The following OTUD7A variants were observed in gnomAD, a reference collection of about 807,000 sequenced individuals.
OTUD7A encodes OTU deubiquitinase 7A.
OTUD7A carries 12 observed loss-of-function variants against 65.7 expected under a neutral mutation model. That is an observed-to-expected ratio of 0.18 (90% CI 0.12 to 0.30). The LOEUF is 0.30. Ranked by LOEUF, OTUD7A falls within the 10% of genes least tolerant of loss-of-function variation. The pLI is 1.00. For synonymous variants in OTUD7A, 641 were observed against 586.3 expected (o/e 1.09, Z -1.35); for missense variants, 1,148 against 1,304.8 (o/e 0.88, Z 1.85).
chr15:31,567,492 T>C (rs1888912114), intron 4 of OTUD7A, among the ~76,000 whole-genome samples: 1 of 149,812 alleles, frequency 6.7e-6, no homozygotes, highest in Admixed American at 6.6e-5. Context: ...TGTAAAAGTT[T>C]GAAAAATTTG....
rs191454591 is a variant in OTUD7A, at chr15:31,612,764, C to T, written c.151+42332G>A. ...AACACAATTCCCATCAAAATACCAT[C>T]GTCATTCTTCACAGAATTAGAAAAA... On this transcript the variant is annotated intron_variant, in intron 3 of 12. Coordinates refer to ENST00000307050, the MANE Select transcript of OTUD7A (RefSeq NM_001382637.1). 3.5e-3 allele frequency among the ~76,000 whole-genome samples: 539 copies of T among 152,212 alleles called. 3 individuals carry two copies. Among genetic ancestry groups the T allele is most frequent in the Non-Finnish European group, 5.7e-3 (390 of 67,982 alleles).
At chr15:31,742,906 A>G (rs1894380604) in intron 1 of OTUD7A, among the ~76,000 whole-genome samples, 1 of 152,144 alleles carries the variant, frequency 6.6e-6, no homozygotes, top group Non-Finnish European at 1.5e-5. Flanking sequence ...ATATTAATTC[A>G]CCAGGAAGAC....
chr15:31,508,543 G>C (rs1176587888), intron 8 of OTUD7A, among the ~76,000 whole-genome samples: 1 of 152,132 alleles, frequency 6.6e-6, no homozygotes, highest in African/African-American at 2.4e-5. Flanking sequence ...TAGTAGAGAC[G>C]GGGTTTCACT....
chr15:31,628,413 C>T (rs1891033213), intron 3 of OTUD7A, among the ~76,000 whole-genome samples: 2 of 152,074 alleles, frequency 1.3e-5, no homozygotes, highest in Admixed American at 6.6e-5. Context: ...AGATATGTGG[C>T]ATTATTTCTG....
chr15:31,812,141 A>G (rs1156478990), intron 1 of OTUD7A, among the ~76,000 whole-genome samples: 1 of 152,194 alleles, frequency 6.6e-6, no homozygotes, highest in Non-Finnish European at 1.5e-5. Context: ...GGCTTCTGAC[A>G]GTATCAGAGC....
At chr15:31,755,962 T>A (rs952721643) in intron 1 of OTUD7A, among the ~76,000 whole-genome samples, 13 of 152,166 alleles carry the variant, frequency 8.5e-5, no homozygotes, top group South Asian at 4.1e-4. Context: ...GTTATGGGCT[T>A]AAGCCTTCTG....
intron 3 of OTUD7A, among the ~76,000 whole-genome samples, chr15:31,599,826 C>T (rs756367066): frequency 5.3e-5 from 8 of 152,164 alleles, no homozygotes; most frequent in South Asian, 4.2e-4. Flanking sequence ...AAACACAGCA[C>T]AAGAACTTCG....
intron 1 of OTUD7A, among the ~76,000 whole-genome samples, chr15:31,866,962 T>C (rs1237249710): frequency 1.3e-5 from 2 of 152,220 alleles, no homozygotes; most frequent in Non-Finnish European, 2.9e-5. Flanking sequence ...GTGAAACTTC[T>C]TTCCTTTTAA....
chr15:31,572,666 T>C (rs1367172738), intron 3 of OTUD7A, among the ~76,000 whole-genome samples: 1 of 152,152 alleles, frequency 6.6e-6, no homozygotes, highest in Admixed American at 6.5e-5. Context: ...GAAGAAAAAC[T>C]ATAAATCAGA....
chr15:31,601,240 T>G (rs536241552), intron 3 of OTUD7A, among the ~76,000 whole-genome samples: 161 of 151,924 alleles, frequency 1.1e-3, no homozygotes, highest in Non-Finnish European at 2.4e-4. Flanking sequence ...TGCAAAACAA[T>G]GGAAATCATA....
At chr15:31,783,109 A>T (rs1895583762) in intron 1 of OTUD7A, among the ~76,000 whole-genome samples, 1 of 152,234 alleles carries the variant, frequency 6.6e-6, no homozygotes, top group South Asian at 2.1e-4. Context: ...GGGAACAGCC[A>T]CTGAGCCGGG....
chr15:31,637,364 A>G (rs953156759), intron 3 of OTUD7A, among the ~76,000 whole-genome samples: 3 of 152,186 alleles, frequency 2.0e-5, no homozygotes, highest in Non-Finnish European at 4.4e-5. Context: ...GAATATTTTA[A>G]GCTCATTGCT....
At chr15:31,508,277 G>T (rs1329450968) in intron 8 of OTUD7A, among the ~76,000 whole-genome samples, 1 of 152,136 alleles carries the variant, frequency 6.6e-6, no homozygotes, top group African/African-American at 2.4e-5. Flanking sequence ...GTGGACAGGG[G>T]TCTTAGTGGT....
intron 3 of OTUD7A, among the ~76,000 whole-genome samples, chr15:31,620,275 G>T (rs927548003): frequency 6.6e-6 from 1 of 152,146 alleles, no homozygotes. Context: ...GATGATGCTG[G>T]CCTCATAAAA....
At chr15:31,782,154 A>G in intron 1 of OTUD7A, among the ~76,000 whole-genome samples, 1 of 152,216 alleles carries the variant, frequency 6.6e-6, no homozygotes, top group Admixed American at 6.5e-5. Context: ...ACAGGCAGGC[A>G]CTGCTGGCAT....
At chr15:31,773,233 A>G (rs1895287688) in intron 1 of OTUD7A, among the ~76,000 whole-genome samples, 1 of 152,238 alleles carries the variant, frequency 6.6e-6, no homozygotes, top group South Asian at 2.1e-4. Context: ...ATGTCCTTTG[A>G]CAGAATTCAT....
chr15:31,807,199 C>G (rs1007843734), intron 1 of OTUD7A, among the ~76,000 whole-genome samples: 1 of 152,164 alleles, frequency 6.6e-6, no homozygotes, highest in African/African-American at 2.4e-5. Context: ...TCCCATTTTG[C>G]AGGTGAAATC....
intron 3 of OTUD7A, among the ~76,000 whole-genome samples, chr15:31,595,847 C>T (rs949423202): frequency 3.3e-5 from 5 of 152,180 alleles, no homozygotes; most frequent in Admixed American, 6.5e-5. Flanking sequence ...AGGCTGTCAG[C>T]TGGAGGTCAC....
chr15:31,775,312 C>A (rs1000933656), intron 1 of OTUD7A, among the ~76,000 whole-genome samples: 4 of 152,202 alleles, frequency 2.6e-5, no homozygotes, highest in African/African-American at 9.6e-5. Context: ...CATATTCATT[C>A]ATTCAACAAA....
Sources: allele counts gnomAD v4.1 joint callset (sites outside exome capture counted in the v4.1 genomes callset), GRCh38; gene constraint gnomAD v4.1.1; transcripts MANE v1.5; gene names NCBI Gene and HGNC (gene_info 2026-07-23, HGNC 2026-07-21).